The following SASH1 variants were observed in gnomAD, a reference collection of about 807,000 sequenced individuals.
SASH1 encodes the protein SAM and SH3 domain-containing protein 1.
A neutral mutation model predicts 125.2 loss-of-function variants in SASH1; 44 were observed. The ratio of observed to expected loss-of-function variants is 0.35; its 90% CI spans 0.28 to 0.45. SASH1 has a LOEUF of 0.45. Among genes scored for constraint, SASH1 ranks in the 20% least tolerant of loss-of-function variants. The pLI is 1.00. For missense variants in SASH1, 1,426 were observed against 1,614.5 expected (o/e 0.88, Z 2.00); for synonymous variants, 639 against 649.1 (o/e 0.98, Z 0.24).
chr6:148,543,580 G>A, intron 17 of SASH1, 100 bp from the exon 18 acceptor site: 2 of 954,074 alleles, frequency 2.1e-6, no homozygotes, highest in East Asian at 2.5e-5. Flanking sequence ...ACAATAGGAT[G>A]TGGGTGTTGG....
the SASH1 span, among the ~76,000 whole-genome samples, chr6:148,214,971 A>T: frequency 0.25 from 37,616 of 152,096 alleles, 4,842 homozygotes; most frequent in East Asian, 0.32. Flanking sequence ...TGGTAGATGG[A>T]TGTAGAAGAG....
chr6:148,281,286 C>A (rs550128932), intron 1 of SASH1, among the ~76,000 whole-genome samples: 1 of 152,052 alleles, frequency 6.6e-6, no homozygotes, highest in Admixed American at 6.6e-5. Flanking sequence ...GGAACACCAG[C>A]ATCCAGGAAA....
chr6:148,485,860 GTTTTTA>G (rs1778816165), intron 7 of SASH1, among the ~76,000 whole-genome samples: 1 of 152,150 alleles, frequency 6.6e-6, no homozygotes, highest in African/African-American at 2.4e-5. Flanking sequence ...AATTATTTCT[GTTTTTA>G]AGTTGCTTGG....
At chr6:148,518,225 T>G (rs963425915) in intron 9 of SASH1, among the ~76,000 whole-genome samples, 9 of 152,134 alleles carry the variant, frequency 5.9e-5, no homozygotes, top group African/African-American at 2.2e-4. Flanking sequence ...ATCCTGCCTT[T>G]AAAGTCCCCC....
the SASH1 span, among the ~76,000 whole-genome samples, chr6:148,242,095 C>T: frequency 1.3e-5 from 2 of 152,118 alleles, no homozygotes; most frequent in South Asian, 2.1e-4. Context: ...ACACGGACAT[C>T]GTAAGATAAT....
intron 1 of SASH1, among the ~76,000 whole-genome samples, chr6:148,359,883 T>C (rs903167755): frequency 2.0e-5 from 3 of 152,130 alleles, no homozygotes; most frequent in African/African-American, 7.2e-5. Flanking sequence ...CTCAGCCTCC[T>C]GAGTAGCTGG....
At chr6:148,283,748 T>C (rs759498539) in intron 1 of SASH1, among the ~76,000 whole-genome samples, 45 of 151,960 alleles carry the variant, frequency 3.0e-4, no homozygotes, top group Non-Finnish European at 1.2e-4. Flanking sequence ...CACCCCAGCC[T>C]GGGTGAAGAT....
At chr6:148,442,770 T>TTTTA (rs1232976597) in intron 4 of SASH1, among the ~76,000 whole-genome samples, 11 of 152,054 alleles carry the variant, frequency 7.2e-5, no homozygotes, top group African/African-American at 2.7e-4. Flanking sequence ...TTCTTTTCTT[T>TTTTA]TTTATTTATT....
At chr6:148,442,808 C>G (rs1776601642) in intron 4 of SASH1, among the ~76,000 whole-genome samples, 1 of 151,798 alleles carries the variant, frequency 6.6e-6, no homozygotes, top group Non-Finnish European at 1.5e-5. Flanking sequence ...GAGTATCGCT[C>G]TGTCGCCCAG....
the SASH1 span, among the ~76,000 whole-genome samples, chr6:148,204,709 A>G: frequency 6.6e-6 from 1 of 151,064 alleles, no homozygotes; most frequent in Non-Finnish European, 1.5e-5. Flanking sequence ...AAAAATACAA[A>G]CAAAAAAAAC....
In SASH1 at chr6:148,334,427, C is replaced by CAAAAAAA; in HGVS notation, n.75-55692_75-55686dup. On this transcript the variant is annotated intron_variant and non_coding_transcript_variant, in intron 1 of 3. Coordinates refer to the SASH1 transcript ENST00000367469. ...TGGGCCACAGAGCGAGACTCCGTCTCAAAAAAAAAAAAAAAAAAAAAGAGA... is the reference window on the plus strand; with the variant it reads ...TGGGCCACAGAGCGAGACTCCGTCTCAAAAAAAAAAAAAAAAAAAAAAAAAAAAGAGA... Among the ~76,000 whole-genome samples the CAAAAAAA allele has an allele frequency of 6.3e-5, 4 of 63,696 alleles. 1 individual carries two copies. Among genetic ancestry groups the CAAAAAAA allele is most frequent in the African/African-American group, 6.5e-5 (1 of 15,366 alleles). The allele number at this position is 63,696 out of a possible 152,430, so 41.8% of individuals were successfully genotyped here.
chr6:148,474,773 T>G lies in SASH1; in HGVS notation c.627+551T>G, dbSNP rs1457468979. Among the ~76,000 whole-genome samples, 3 of 152,158 alleles carry G rather than the reference T, an allele frequency of 2.0e-5. No individual in the cohort carries two copies. In the East Asian group the frequency reaches 5.8e-4, roughly 29 times the overall value. Reference sequence around the variant, plus strand: ...TTTTTACAGAGACAGGGTCTCTTCATGTTGCCCAGGCTGGTCTCAAACCCG... The same window carrying G: ...TTTTTACAGAGACAGGGTCTCTTCAGGTTGCCCAGGCTGGTCTCAAACCCG... On this transcript the variant is annotated intron_variant, in intron 7 of 19. Transcript: ENST00000367467.
chr6:148,447,182 C>G (rs1364783516), intron 4 of SASH1, among the ~76,000 whole-genome samples: 1 of 152,178 alleles, frequency 6.6e-6, no homozygotes, highest in Admixed American at 6.5e-5. Context: ...TGGAGTTGAA[C>G]ATTCACTGAT....
chr6:148,477,632 T>A (rs950771752), intron 7 of SASH1, among the ~76,000 whole-genome samples: 2 of 151,742 alleles, frequency 1.3e-5, no homozygotes, highest in Admixed American at 6.6e-5. Flanking sequence ...TTCAAGTGAT[T>A]CTCCTGCATC....
At chr6:148,319,651 A>G (rs555534942) in intron 1 of SASH1, among the ~76,000 whole-genome samples, 11 of 152,008 alleles carry the variant, frequency 7.2e-5, no homozygotes, top group Non-Finnish European at 1.2e-4. Flanking sequence ...AGTAGCTGGG[A>G]TTGCAGGCAT....
the SASH1 span, among the ~76,000 whole-genome samples, chr6:148,199,504 CCTGAGCAA>C: frequency 6.6e-6 from 1 of 152,078 alleles, no homozygotes; most frequent in African/African-American, 2.4e-5. Flanking sequence ...TTGAAACCAG[CCTGAGCAA>C]TATAGTGAGA....
intron 1 of SASH1, among the ~76,000 whole-genome samples, chr6:148,383,491 G>T (rs1783236355): frequency 2.0e-5 from 3 of 152,146 alleles, no homozygotes; most frequent in Admixed American, 1.3e-4. Context: ...CAACTTTGGG[G>T]AGTTAGAGCA....
the SASH1 span, among the ~76,000 whole-genome samples, chr6:148,229,423 A>G: frequency 6.6e-6 from 1 of 152,154 alleles, no homozygotes; most frequent in South Asian, 2.1e-4. Context: ...TTCGGGCAAA[A>G]AGTACTATAC....
intron 17 of SASH1, among the ~76,000 whole-genome samples, chr6:148,541,007 G>C (rs2294788): frequency 0.068 from 10,366 of 152,058 alleles, 461 homozygotes; most frequent in Non-Finnish European, 0.098. Context: ...TCTCTGTACA[G>C]CCAGTCAGGA....
Sources: gnomAD v4.1 joint callset for allele counts (sites outside exome capture counted in the v4.1 genomes callset) on GRCh38, gnomAD v4.1.1 for gene constraint, MANE v1.5 for transcripts, NCBI Gene and HGNC (gene_info 2026-07-23, HGNC 2026-07-21) for gene names.